Variants in PPARGC1A observed in about 807,000 individuals in gnomAD.
The protein encoded by PPARGC1A is PPARG coactivator 1 alpha.
PPARGC1A carries 25 observed loss-of-function variants against 88.7 expected under a neutral mutation model. The ratio of observed to expected loss-of-function variants is 0.28; its 90% CI spans 0.21 to 0.39. The LOEUF (loss-of-function observed/expected upper bound fraction) is 0.39. Among genes scored for constraint, PPARGC1A ranks in the 10% least tolerant of loss-of-function variants. The pLI is 1.00. For synonymous variants in PPARGC1A, 363 were observed against 355.6 expected (o/e 1.02, Z -0.24); for missense variants, 880 against 968.7 (o/e 0.91, Z 1.22).
At chr4:24,155,271 C>T in the PPARGC1A span, among the ~76,000 whole-genome samples, 1 of 151,704 alleles carries the variant, frequency 6.6e-6, no homozygotes, top group Non-Finnish European at 1.5e-5. Context: ...AGAAACAAAT[C>T]AATCTGTGAA....
At chr4:23,894,462 G>T (rs1718280626), upstream of PPARGC1A, among the ~76,000 whole-genome samples, 1 of 151,668 alleles carries the variant, frequency 6.6e-6, no homozygotes, top group Non-Finnish European at 1.5e-5. Flanking sequence ...CATTTTGCTT[G>T]AAAAAAATGC....
At position 23,897,307 on chromosome 4, in the gene PPARGC1A, A is replaced by G. The variant is rs1018319390; in HGVS notation, n.52+1960T>C. ...AGGTGAGTACTGGAGACTCAAGTCT[A>G]TCTGACAGGTGGAGTCACTTTGAGG... is the stretch of plus-strand genomic sequence containing the variant. On this transcript the variant is annotated intron_variant and non_coding_transcript_variant, in intron 1 of 3. Coordinates refer to the PPARGC1A transcript ENST00000507342. 2.6e-5 allele frequency among the ~76,000 whole-genome samples: 4 copies of G among 152,190 alleles called. No individual in the cohort carries two copies. The East Asian group carries it at 5.8e-4, about 22-fold the overall frequency.
chr4:24,023,235 A>G, the PPARGC1A span, among the ~76,000 whole-genome samples: 1 of 152,170 alleles, frequency 6.6e-6, no homozygotes, highest in African/African-American at 2.4e-5. Context: ...GTTATGATGA[A>G]TATTTAAGAT....
At chr4:24,428,212 G>A in the PPARGC1A span, among the ~76,000 whole-genome samples, 4 of 152,220 alleles carry the variant, frequency 2.6e-5, no homozygotes, top group East Asian at 1.9e-4. Context: ...TTTAGAACAG[G>A]CGTCTTCCTG....
the PPARGC1A span, among the ~76,000 whole-genome samples, chr4:24,026,776 A>G: frequency 6.6e-6 from 1 of 152,148 alleles, no homozygotes; most frequent in Non-Finnish European, 1.5e-5. Context: ...TGTATAGGAA[A>G]GCTGTGGGAT....
the PPARGC1A span, among the ~76,000 whole-genome samples, chr4:24,468,250 C>G: frequency 1.3e-5 from 2 of 152,308 alleles, no homozygotes; most frequent in East Asian, 3.9e-4. Flanking sequence ...AGCACAACAT[C>G]AAAAGATAAA....
the PPARGC1A span, among the ~76,000 whole-genome samples, chr4:24,406,508 G>T: frequency 6.6e-6 from 1 of 152,204 alleles, no homozygotes; most frequent in Non-Finnish European, 1.5e-5. Context: ...GCTGATTTAA[G>T]TCACTCAGTG....
At chr4:24,238,290 T>G in the PPARGC1A span, among the ~76,000 whole-genome samples, 1 of 152,212 alleles carries the variant, frequency 6.6e-6, no homozygotes, top group Non-Finnish European at 1.5e-5. Flanking sequence ...AATGCATTGT[T>G]AGTGATGTTA....
At chr4:24,032,738 T>C in the PPARGC1A span, among the ~76,000 whole-genome samples, 4 of 152,080 alleles carry the variant, frequency 2.6e-5, no homozygotes, top group East Asian at 7.8e-4. Flanking sequence ...GTTGGTTGAT[T>C]TTGTCCACTT....
the PPARGC1A span, among the ~76,000 whole-genome samples, chr4:24,005,324 T>C: frequency 6.6e-6 from 1 of 152,118 alleles, no homozygotes; most frequent in Non-Finnish European, 1.5e-5. Context: ...AAACTTAAAA[T>C]AGGGCTTAGG....
chr4:24,290,062 T>C, the PPARGC1A span, among the ~76,000 whole-genome samples: 1 of 152,082 alleles, frequency 6.6e-6, no homozygotes, highest in East Asian at 1.9e-4. Flanking sequence ...ACTTATTCAC[T>C]ATCATGAGTA....
the PPARGC1A span, among the ~76,000 whole-genome samples, chr4:24,445,403 C>G: frequency 6.6e-6 from 1 of 152,140 alleles, no homozygotes; most frequent in Non-Finnish European, 1.5e-5. Context: ...TTGACAATTC[C>G]TTTTTGTCTA....
chr4:24,232,202 GAA>G, the PPARGC1A span, among the ~76,000 whole-genome samples: 6 of 143,340 alleles, frequency 4.2e-5, no homozygotes, highest in East Asian at 4.0e-4. Flanking sequence ...AGGAAGGATT[GAA>G]AAAAAAAAAA....
chr4:24,254,500 C>T, the PPARGC1A span, among the ~76,000 whole-genome samples: 9 of 152,188 alleles, frequency 5.9e-5, no homozygotes, highest in Non-Finnish European at 1.2e-4. Context: ...ACCAGGGACA[C>T]TTTTAGCAAA....
the PPARGC1A span, among the ~76,000 whole-genome samples, chr4:24,466,148 A>G: frequency 6.6e-6 from 1 of 152,236 alleles, no homozygotes; most frequent in Non-Finnish European, 1.5e-5. Flanking sequence ...AGAATGGTCA[A>G]CTCAAACATC....
chr4:24,294,385 A>G, the PPARGC1A span, among the ~76,000 whole-genome samples: 3 of 152,312 alleles, frequency 2.0e-5, no homozygotes, highest in African/African-American at 7.2e-5. Context: ...GGAAGGCTTA[A>G]TTTTTATGAG....
chr4:24,126,752 A>T, the PPARGC1A span, among the ~76,000 whole-genome samples: 10 of 152,210 alleles, frequency 6.6e-5, 1 homozygote, highest in Non-Finnish European at 1.2e-4. Context: ...CAAGGGCGGC[A>T]TGCTAGTAGC....
At chr4:24,142,629 A>T in the PPARGC1A span, among the ~76,000 whole-genome samples, 2 of 152,002 alleles carry the variant, frequency 1.3e-5, no homozygotes. Flanking sequence ...AGCAGAGATC[A>T]CACCACTGCA....
intron 2 of PPARGC1A, among the ~76,000 whole-genome samples, chr4:23,868,435 T>TTC (rs753074850): frequency 6.6e-6 from 1 of 152,172 alleles, no homozygotes; most frequent in Non-Finnish European, 1.5e-5. Context: ...TCATGTTATA[T>TTC]TCTCTCTCTC....
Sources: gnomAD v4.1 joint callset for allele counts (sites outside exome capture counted in the v4.1 genomes callset) on GRCh38, gnomAD v4.1.1 for gene constraint, MANE v1.5 for transcripts, NCBI Gene and HGNC (gene_info 2026-07-23, HGNC 2026-07-21) for gene names.